Variants in SYT14 observed in about 807,000 individuals in gnomAD.
SYT14 encodes synaptotagmin 14.
A neutral mutation model predicts 74.2 loss-of-function variants in SYT14; 32 were observed. The ratio of observed to expected loss-of-function variants is 0.43; its 90% CI spans 0.33 to 0.58. The LOEUF (loss-of-function observed/expected upper bound fraction) is 0.58. Among genes scored for constraint, SYT14 ranks in the 20% least tolerant of loss-of-function variants. The pLI, the probability that SYT14 is intolerant of heterozygous loss-of-function variation, is 0.05. For missense variants in SYT14, 791 were observed against 981.8 expected, an observed-to-expected ratio of 0.81 and a Z score of 2.60; for synonymous variants, 298 against 337.7, an observed-to-expected ratio of 0.88 and a Z score of 1.29.
At chr1:210,010,001 G>A (rs1160183042) in intron 2 of SYT14, among the ~76,000 whole-genome samples, 2 of 151,926 alleles carry the variant, frequency 1.3e-5, no homozygotes, top group African/African-American at 4.8e-5. Flanking sequence ...ATTTACATAA[G>A]TGGATCATTA....
chr1:210,120,921 A>G (rs1425490968), intron 7 of SYT14, among the ~76,000 whole-genome samples: 2 of 152,240 alleles, frequency 1.3e-5, no homozygotes, highest in Non-Finnish European at 2.9e-5. Context: ...AAAATATTCA[A>G]GAATTACTAG....
chr1:209,939,011 A>G (rs922313150), intron 1 of SYT14, among the ~76,000 whole-genome samples: 2 of 152,198 alleles, frequency 1.3e-5, no homozygotes, highest in African/African-American at 4.8e-5. Flanking sequence ...CACAATGCTC[A>G]TATTTCGAAA....
intron 5 of SYT14, among the ~76,000 whole-genome samples, chr1:210,058,650 G>T (rs983340593): frequency 1.3e-5 from 2 of 152,170 alleles, no homozygotes; most frequent in African/African-American, 4.8e-5. Context: ...CGTAATTTAT[G>T]AAGAAACCAC....
exon 3 of SYT14, chr1:210,013,659 T>C: frequency 6.2e-7 from 1 of 1,613,124 alleles, no homozygotes; most frequent in Non-Finnish European, 8.5e-7. Flanking sequence ...TGGATTTTTG[T>C]CAGCTGTTGG....
intron 5 of SYT14, among the ~76,000 whole-genome samples, chr1:210,077,181 A>G (rs541121379): frequency 1.3e-5 from 2 of 152,306 alleles, no homozygotes; most frequent in African/African-American, 4.8e-5. Context: ...GCTTTTACCC[A>G]TGGTGGAAGG....
At chr1:210,092,489 A>G (rs973497304) in intron 5 of SYT14, among the ~76,000 whole-genome samples, 3 of 152,142 alleles carry the variant, frequency 2.0e-5, no homozygotes, top group Non-Finnish European at 4.4e-5. Flanking sequence ...TAGGAGAAAA[A>G]GAGGTTATGG....
Position 210,121,591 on chromosome 1 carries a change from G to C in SYT14, c.2034+21130G>C, listed in dbSNP as rs566295827. ...GGGCGGATCACAAGGTCAGGAGATT[G>C]AGACCATCCTGGCTAACATGGTGAA... On this transcript the variant is annotated intron_variant, in intron 7 of 9. Transcript: ENST00000637265. 3.1e-3 allele frequency among the ~76,000 whole-genome samples: 478 copies of C among 152,156 alleles called. 1 individual carries two copies. The highest frequency in any genetic ancestry group is 3.4e-3 in the African/African-American group (140 of 41,506).
chr1:210,120,800 T>C (rs147384866), intron 7 of SYT14, among the ~76,000 whole-genome samples: 1 of 152,206 alleles, frequency 6.6e-6, no homozygotes, highest in Non-Finnish European at 1.5e-5. Flanking sequence ...TTTTTGTTAG[T>C]CAGTTTACTT....
intron 2 of SYT14, among the ~76,000 whole-genome samples, chr1:209,978,062 C>T (rs1262142486): frequency 6.6e-6 from 1 of 152,136 alleles, no homozygotes; most frequent in African/African-American, 2.4e-5. Flanking sequence ...TCCATCAGGT[C>T]CTTTAAGGAC....
intron 2 of SYT14, among the ~76,000 whole-genome samples, chr1:209,966,662 C>G (rs922329332): frequency 1.3e-5 from 2 of 152,054 alleles, no homozygotes; most frequent in African/African-American, 2.4e-5. Flanking sequence ...AATACAGTTA[C>G]GTTTTATACA....
At chr1:210,110,601 A>G (rs182669490) in intron 7 of SYT14, among the ~76,000 whole-genome samples, 5 of 152,332 alleles carry the variant, frequency 3.3e-5, no homozygotes, top group Admixed American at 3.3e-4. Context: ...AAAGTTCTAG[A>G]AGAGTTTATC....
intron 7 of SYT14, among the ~76,000 whole-genome samples, chr1:210,118,178 A>G (rs2082394643): frequency 6.6e-6 from 1 of 152,216 alleles, no homozygotes; most frequent in South Asian, 2.1e-4. Context: ...TAACACATAA[A>G]TGGGTCCAAG....
chr1:210,038,163 A>G (rs1165553880), intron 5 of SYT14, among the ~76,000 whole-genome samples: 3 of 151,956 alleles, frequency 2.0e-5, no homozygotes, highest in African/African-American at 7.2e-5. Context: ...TTATCATTGT[A>G]TAATGCCCTT....
chr1:209,979,491 G>T (rs943447140), intron 2 of SYT14, among the ~76,000 whole-genome samples: 2 of 152,058 alleles, frequency 1.3e-5, no homozygotes, highest in Admixed American at 6.6e-5. Context: ...GGATGCGAAG[G>T]TTTGTTGCAG....
At chr1:210,089,574 C>T (rs2081820021) in intron 5 of SYT14, among the ~76,000 whole-genome samples, 1 of 152,146 alleles carries the variant, frequency 6.6e-6, no homozygotes, top group Non-Finnish European at 1.5e-5. Context: ...TTGATATCTT[C>T]AGGATATTTC....
intron 2 of SYT14, among the ~76,000 whole-genome samples, chr1:210,011,028 C>T (rs565715030): frequency 7.9e-5 from 12 of 152,128 alleles, no homozygotes; most frequent in Non-Finnish European, 1.2e-4. Flanking sequence ...ACATGAGCTA[C>T]ATTTTCTTTC....
chr1:210,114,308 C>G (rs1440061376), intron 7 of SYT14, among the ~76,000 whole-genome samples: 1 of 151,350 alleles, frequency 6.6e-6, no homozygotes, highest in African/African-American at 2.5e-5. Flanking sequence ...TGAAGGAACG[C>G]CTGACCACTG....
At chr1:210,142,574 G>A (rs1378061386) in intron 7 of SYT14, among the ~76,000 whole-genome samples, 3 of 152,156 alleles carry the variant, frequency 2.0e-5, no homozygotes, top group Non-Finnish European at 2.9e-5. Context: ...GGAGATTGGT[G>A]AACTGTAGTG....
chr1:210,050,648 A>C (rs1260810533), intron 5 of SYT14, among the ~76,000 whole-genome samples: 1 of 152,222 alleles, frequency 6.6e-6, no homozygotes, highest in Admixed American at 6.5e-5. Flanking sequence ...ACAGTATCAC[A>C]TCGTTTGGGA....
Sources: gnomAD v4.1 joint callset for allele counts (sites outside exome capture counted in the v4.1 genomes callset) on GRCh38, gnomAD v4.1.1 for gene constraint, MANE v1.5 for transcripts, NCBI Gene and HGNC (gene_info 2026-07-23, HGNC 2026-07-21) for gene names.